Variants in ADAMTSL1 observed in about 807,000 individuals in gnomAD.
ADAMTSL1 encodes ADAMTS like 1.
ADAMTSL1 carries 126 observed loss-of-function variants against 201.8 expected under a neutral mutation model. The ratio of observed to expected loss-of-function variants is 0.62; its 90% CI spans 0.54 to 0.72. ADAMTSL1 has a LOEUF of 0.72. ADAMTSL1 is among the 30% of genes least tolerant of loss of function. ADAMTSL1 has a pLI of 0.00. For missense variants in ADAMTSL1, 2,679 were observed against 2,277.8 expected (o/e 1.18, Z -3.59); for synonymous variants, 1,121 against 903.4 (o/e 1.24, Z -4.32).
At chr9:18,169,460 G>A (rs945218560) in intron 2 of ADAMTSL1, among the ~76,000 whole-genome samples, 31 of 152,112 alleles carry the variant, frequency 2.0e-4, no homozygotes, top group African/African-American at 7.5e-4. Context: ...ATTTCTGAGG[G>A]CTCTGTTGTG....
At chr9:18,521,775 A>G (rs1818707622) in intron 2 of ADAMTSL1, among the ~76,000 whole-genome samples, 1 of 152,222 alleles carries the variant, frequency 6.6e-6, no homozygotes, top group African/African-American at 2.4e-5. Context: ...ATTATTTTAA[A>G]CACAGAATAA....
At chr9:18,697,438 G>T (rs990655471) in intron 13 of ADAMTSL1, among the ~76,000 whole-genome samples, 1 of 152,096 alleles carries the variant, frequency 6.6e-6, no homozygotes, top group Non-Finnish European at 1.5e-5. Context: ...TAATTCCATA[G>T]AACAAGACCA....
At chr9:18,418,132 A>G (rs942668186) in intron 2 of ADAMTSL1, among the ~76,000 whole-genome samples, 7 of 152,230 alleles carry the variant, frequency 4.6e-5, no homozygotes, top group African/African-American at 1.7e-4. Flanking sequence ...AGCATTTAAC[A>G]AAACTCAATA....
chr9:18,215,102 T>C (rs1830014364), intron 2 of ADAMTSL1, among the ~76,000 whole-genome samples: 1 of 152,212 alleles, frequency 6.6e-6, no homozygotes, highest in African/African-American at 2.4e-5. Flanking sequence ...ATTGGAATGG[T>C]TAAATTAAAA....
intron 1 of ADAMTSL1, among the ~76,000 whole-genome samples, chr9:18,125,968 C>T (rs579392): frequency 0.88 from 133,401 of 152,164 alleles, 60,863 homozygotes; most frequent in Non-Finnish European, 0.99. Flanking sequence ...CTGGGACAAA[C>T]TATTCAATTG....
At chr9:18,711,127 A>T (rs1832560063) in intron 14 of ADAMTSL1, among the ~76,000 whole-genome samples, 1 of 152,238 alleles carries the variant, frequency 6.6e-6, no homozygotes, top group African/African-American at 2.4e-5. Flanking sequence ...ATCATTAAAA[A>T]ATTGTTTGAA....
intron 2 of ADAMTSL1, among the ~76,000 whole-genome samples, chr9:18,511,875 C>CT (rs886981576): frequency 5.5e-4 from 84 of 152,280 alleles, no homozygotes; most frequent in African/African-American, 1.9e-3. Flanking sequence ...CATCTCATCT[C>CT]TATCATAACA....
At position 18,789,676 on chromosome 9, in the gene ADAMTSL1, A is replaced by G. The variant is rs141389787; in HGVS notation, c.3678-5721A>G. Among the ~76,000 whole-genome samples the G allele has an allele frequency of 7.0e-4, 106 of 152,318 alleles. 1 individual carries two copies. Among genetic ancestry groups the G allele is most frequent in the African/African-American group, 2.4e-3 (100 of 41,576 alleles). ...TTCGTAGTGGAGTTTTAACAACTAG[A>G]TCAGGAAACAGACAGATTCTTGTGT... On this transcript the variant is annotated intron_variant, in intron 19 of 28. Coordinates refer to ENST00000380548, the MANE Select transcript of ADAMTSL1 (RefSeq NM_001040272.6).
intron 1 of ADAMTSL1, among the ~76,000 whole-genome samples, chr9:18,045,719 C>G (rs1376180501): frequency 6.6e-6 from 1 of 151,296 alleles, no homozygotes; most frequent in African/African-American, 2.4e-5. Flanking sequence ...ATCAGGCTAT[C>G]TGGCTTGAAA....
intron 9 of ADAMTSL1, 43 bp downstream of exon 9, chr9:18,662,116 A>C (rs1270441269): frequency 6.3e-7 from 1 of 1,584,562 alleles, no homozygotes; most frequent in South Asian, 1.2e-5. Flanking sequence ...ACATAACTCA[A>C]GTTCCAAATA....
intron 2 of ADAMTSL1, among the ~76,000 whole-genome samples, chr9:18,458,464 A>G (rs560798099): frequency 1.3e-5 from 2 of 152,310 alleles, no homozygotes; most frequent in South Asian, 4.1e-4. Flanking sequence ...TGATTTAACC[A>G]TTCCACAAAA....
At chr9:18,076,037 A>G (rs938344109) in intron 1 of ADAMTSL1, among the ~76,000 whole-genome samples, 2 of 152,212 alleles carry the variant, frequency 1.3e-5, no homozygotes, top group African/African-American at 4.8e-5. Flanking sequence ...TCCCTGATTC[A>G]AGAATGAGGA....
intron 2 of ADAMTSL1, among the ~76,000 whole-genome samples, chr9:18,359,835 GC>G (rs970903728): frequency 1.8e-4 from 12 of 67,934 alleles, no homozygotes; most frequent in African/African-American, 5.5e-4. Context: ...CCGCCCCCCC[GC>G]CCACACAAAA....
intron 2 of ADAMTSL1, among the ~76,000 whole-genome samples, chr9:18,226,205 T>C (rs977361698): frequency 2.0e-5 from 3 of 152,186 alleles, no homozygotes; most frequent in Non-Finnish European, 2.9e-5. Flanking sequence ...AAAAAATACA[T>C]ACATTTATTT....
chr9:18,646,851 T>A (rs1164149274), intron 7 of ADAMTSL1, among the ~76,000 whole-genome samples: 1 of 152,060 alleles, frequency 6.6e-6, no homozygotes, highest in African/African-American at 2.4e-5. Flanking sequence ...TAAAATTCTC[T>A]TTTTTTGTTG....
intron 16 of ADAMTSL1, among the ~76,000 whole-genome samples, chr9:18,769,187 C>G (rs1350563218): frequency 6.6e-6 from 1 of 152,152 alleles, no homozygotes; most frequent in African/African-American, 2.4e-5. Flanking sequence ...ATAACCTTGA[C>G]TGCCGGCAAA....
intron 2 of ADAMTSL1, among the ~76,000 whole-genome samples, chr9:18,526,444 G>A (rs1480492701): frequency 6.6e-6 from 1 of 152,216 alleles, no homozygotes; most frequent in African/African-American, 2.4e-5. Flanking sequence ...TTACATTTAA[G>A]GTTAATATTG....
chr9:18,287,554 G>C (rs943581313), intron 2 of ADAMTSL1, among the ~76,000 whole-genome samples: 1 of 149,722 alleles, frequency 6.7e-6, no homozygotes, highest in Non-Finnish European at 1.5e-5. Context: ...ATACATACAT[G>C]TAGAAATATT....
At chr9:18,358,732 G>A (rs560775220) in intron 2 of ADAMTSL1, among the ~76,000 whole-genome samples, 135 of 152,210 alleles carry the variant, frequency 8.9e-4, no homozygotes, top group Admixed American at 2.2e-3. Flanking sequence ...CCTAAATAGT[G>A]TTCTATTTTA....
Sources: allele counts gnomAD v4.1 joint callset (sites outside exome capture counted in the v4.1 genomes callset), GRCh38; gene constraint gnomAD v4.1.1; transcripts MANE v1.5; gene names NCBI Gene and HGNC (gene_info 2026-07-23, HGNC 2026-07-21).